The following SLC6A11 variants were observed in gnomAD, a reference collection of about 807,000 sequenced individuals.
SLC6A11 encodes sodium- and chloride-dependent GABA transporter 3.
SLC6A11 carries 25 observed loss-of-function variants against 74.8 expected under a neutral mutation model. That is an observed-to-expected ratio of 0.33 (90% CI 0.24 to 0.47). The LOEUF is 0.47. Ranked by LOEUF, SLC6A11 falls within the 20% of genes least tolerant of loss-of-function variation. The probability of loss-of-function intolerance (pLI) is 1.00; values close to 1 mark genes in which losing one functional copy is unlikely to be tolerated. For missense variants in SLC6A11, 574 were observed against 837.0 expected (o/e 0.69, Z 3.88); for synonymous variants, 330 against 330.2 (o/e 1.00, Z 0.01).
chr3:10,903,587 A>G (rs1316577857), intron 6 of SLC6A11, among the ~76,000 whole-genome samples: 2 of 152,220 alleles, frequency 1.3e-5, no homozygotes, highest in African/African-American at 2.4e-5. Context: ...TGCCTGGCAC[A>G]TGGTAGACAC....
At chr3:10,857,999 G>A (rs1328975353) in intron 5 of SLC6A11, among the ~76,000 whole-genome samples, 2 of 152,182 alleles carry the variant, frequency 1.3e-5, no homozygotes, top group African/African-American at 2.4e-5. Context: ...CAGGAGAGCC[G>A]ATGCACCACT....
chr3:10,905,658 G>C (rs1695293399), intron 6 of SLC6A11, among the ~76,000 whole-genome samples: 1 of 152,172 alleles, frequency 6.6e-6, no homozygotes. Context: ...ATGACATTTG[G>C]AGCCATGTTG....
intron 5 of SLC6A11, among the ~76,000 whole-genome samples, chr3:10,848,424 G>A (rs1001393891): frequency 1.3e-5 from 2 of 152,192 alleles, no homozygotes; most frequent in Non-Finnish European, 2.9e-5. Context: ...CTCCCAGTAT[G>A]CCTCACAACC....
Position 10,925,429 on chromosome 3 carries a change from G to T in SLC6A11, c.1121-575G>T, listed in dbSNP as rs565733368. ...ACTGTGCCACAGGGCTAGCCTCTCA[G>T]GTATCTGTCTGCTGACATTGATAAA... is the stretch of plus-strand genomic sequence containing the variant. On this transcript the variant is annotated intron_variant, in intron 8 of 13. Coordinates refer to ENST00000254488, the MANE Select transcript of SLC6A11 (RefSeq NM_014229.3). Among the ~76,000 whole-genome samples, 12 of 152,312 alleles carry T rather than the reference G, an allele frequency of 7.9e-5. 1 individual carries two copies. The East Asian group carries it at 2.3e-3, about 29-fold the overall frequency.
chr3:10,907,768 G>GGATTTTATAT (rs1695325036), intron 6 of SLC6A11, among the ~76,000 whole-genome samples: 1 of 152,178 alleles, frequency 6.6e-6, no homozygotes, highest in Non-Finnish European at 1.5e-5. Flanking sequence ...TTTATATACA[G>GGATTTTATAT]CCAAATTGCC....
intron 6 of SLC6A11, among the ~76,000 whole-genome samples, chr3:10,881,222 C>CCTGGCCAACATGGTGAAACTCCGT (rs1433651857): frequency 6.6e-6 from 1 of 152,044 alleles, no homozygotes; most frequent in African/African-American, 2.4e-5. Context: ...TTGAGACCAG[C>CCTGGCCAACATGGTGAAACTCCGT]CTGGCCAACA....
intron 6 of SLC6A11, among the ~76,000 whole-genome samples, chr3:10,891,690 A>C (rs565316893): frequency 6.6e-6 from 1 of 152,224 alleles, no homozygotes; most frequent in Non-Finnish European, 1.5e-5. Flanking sequence ...GGCTCACCCA[A>C]GGCCACAGCT....
intron 6 of SLC6A11, among the ~76,000 whole-genome samples, chr3:10,906,033 C>T (rs1695298196): frequency 6.6e-6 from 1 of 152,134 alleles, no homozygotes; most frequent in African/African-American, 2.4e-5. Flanking sequence ...ATCTCTTGAA[C>T]ATCTCACTTG....
intron 8 of SLC6A11, among the ~76,000 whole-genome samples, chr3:10,924,388 C>T (rs1027432841): frequency 2.6e-5 from 4 of 151,772 alleles, no homozygotes; most frequent in African/African-American, 4.8e-5. Context: ...ACATACTGAC[C>T]GAGTCAAAAA....
chr3:10,866,639 A>G (rs1694766079), intron 5 of SLC6A11, among the ~76,000 whole-genome samples: 1 of 152,208 alleles, frequency 6.6e-6, no homozygotes, highest in Non-Finnish European at 1.5e-5. Flanking sequence ...CAAAAATTAT[A>G]ACTTTAGCTC....
chr3:10,849,796 AAAAAAAAAAAAAAAAAAAAAAAAAAACG>A (rs1385607099), intron 5 of SLC6A11, among the ~76,000 whole-genome samples: 1 of 2,844 alleles, frequency 3.5e-4, no homozygotes, highest in East Asian at 0.038. Flanking sequence ...GTTGAAGCCA[AAAAAAAAAAAAAAAAAAAAAAAAAAACG>A]AAAAAAAACC....
At chr3:10,906,451 A>G (rs755652124) in intron 6 of SLC6A11, among the ~76,000 whole-genome samples, 15 of 152,210 alleles carry the variant, frequency 9.9e-5, no homozygotes, top group Non-Finnish European at 2.9e-5. Context: ...ATGAAGATGA[A>G]CATAAAGGCA....
intron 13 of SLC6A11, 194 bp downstream of exon 13, chr3:10,935,393 C>A (rs1359509531): frequency 1.7e-6 from 1 of 580,556 alleles, no homozygotes; most frequent in Non-Finnish European, 3.1e-6. Flanking sequence ...TTTGGCTGAG[C>A]CAGTTTCTAG....
At chr3:10,843,506 A>G (rs938821235) in intron 4 of SLC6A11, among the ~76,000 whole-genome samples, 2 of 152,066 alleles carry the variant, frequency 1.3e-5, no homozygotes, top group Admixed American at 1.3e-4. Flanking sequence ...TCACAATTTG[A>G]CTCACATATC....
At chr3:10,931,402 C>T (rs2950806) in intron 10 of SLC6A11, among the ~76,000 whole-genome samples, 43,386 of 151,536 alleles carry the variant, frequency 0.29, 6,657 homozygotes, top group East Asian at 0.58. Flanking sequence ...GAGGTGGGGG[C>T]GGGTCTTAGG....
intron 9 of SLC6A11, among the ~76,000 whole-genome samples, chr3:10,927,941 A>G (rs1461850247): frequency 6.6e-6 from 1 of 152,170 alleles, no homozygotes; most frequent in East Asian, 1.9e-4. Flanking sequence ...AAGGCAGGGC[A>G]GTGGGGTGGG....
At chr3:10,867,751 T>C (rs1355162146) in intron 5 of SLC6A11, among the ~76,000 whole-genome samples, 4 of 152,240 alleles carry the variant, frequency 2.6e-5, no homozygotes, top group Non-Finnish European at 4.4e-5. Context: ...AGACAGCTCT[T>C]CCCTTTTCAT....
In SLC6A11 at chr3:10,819,721, A is replaced by G. The variant is rs1161671897; in HGVS notation, c.401A>G (p.Tyr134Cys). Reference sequence around the variant, plus strand: ...TCTTTTGTCCTTTCAGGCATTGGCTATGCAACACAGGTGATTGAGGCCCAT... The same window carrying G: ...TCTTTTGTCCTTTCAGGCATTGGCTGTGCAACACAGGTGATTGAGGCCCAT... ...KVCPLFEGIG[Y>C]ATQVIEAHLN... Residue 134 changes from tyrosine to cysteine, a missense_variant, in exon 3 of 14, where the codon TAT (tyrosine) becomes TGT (cysteine). Physicochemically the swap from Tyr to Cys is radical, Grantham distance 194. Around this residue, in one of 4 missense-constraint regions of SLC6A11, gnomAD observed 215 missense variants for 357.9 expected, o/e 0.60. Transcript: ENST00000254488. 6.2e-7 allele frequency: 1 copy of G among 1,614,154 alleles called. No individual in the cohort carries two copies. The highest frequency in any genetic ancestry group is 8.5e-7 in the Non-Finnish European group (1 of 1,180,014).
At position 10,879,990 on chromosome 3, in the gene SLC6A11, C is replaced by T. The variant is rs147017862; in HGVS notation, c.891+4895C>T. Among the ~76,000 whole-genome samples the T allele has an allele frequency of 3.0e-3, 460 of 152,142 alleles. 2 individuals carry two copies. Among genetic ancestry groups the T allele is most frequent in the Non-Finnish European group, 5.5e-3 (374 of 67,996 alleles). On this transcript the variant is annotated intron_variant, in intron 6 of 13. Coordinates refer to ENST00000254488, the MANE Select transcript of SLC6A11 (RefSeq NM_014229.3). ...TGAGGCTAATTTAAAGGCAAATGTT[C>T]AAAAAATATTTAAAAAAAGCATGGA...
Sources: gnomAD v4.1 joint callset for allele counts (sites outside exome capture counted in the v4.1 genomes callset) on GRCh38, gnomAD v4.1.1 for gene constraint, gnomAD v4.1.1 regional missense constraint, MANE v1.5 for transcripts, NCBI Gene and HGNC (gene_info 2026-07-23, HGNC 2026-07-21) for gene names.